PDHX: variants seen among roughly 807,000 people sequenced by gnomAD.
PDHX encodes pyruvate dehydrogenase protein X component, mitochondrial.
A neutral mutation model predicts 55.3 loss-of-function variants in PDHX; 33 were observed. The ratio of observed to expected loss-of-function variants is 0.60; its 90% CI spans 0.45 to 0.80. PDHX has a LOEUF of 0.80. Among genes scored for constraint, PDHX ranks in the 30% least tolerant of loss-of-function variants. PDHX has a pLI of 0.00. For missense variants in PDHX, 622 were observed against 619.9 expected (o/e 1.00, Z -0.04); for synonymous variants, 226 against 219.4 (o/e 1.03, Z -0.27).
At chr11:34,923,340 A>T (rs1196303309) in intron 1 of PDHX, among the ~76,000 whole-genome samples, 1 of 152,182 alleles carries the variant, frequency 6.6e-6, no homozygotes, top group Non-Finnish European at 1.5e-5. Context: ...TGTATAATTC[A>T]GGAGAGATTT....
In PDHX at chr11:34,995,997, A is replaced by G. The variant is rs531264127; in HGVS notation, c.*825A>G. On this transcript the variant is annotated 3_prime_UTR_variant, in exon 11 of 11. Transcript: ENST00000227868. ...ACATTTTGTTAGTGTTTATTTAAAA[A>G]CAAAATGTTGTTTCTTAATGCATTT... 1 of 152,348 alleles carries G rather than the reference A, an allele frequency of 6.6e-6. No individual in the cohort carries two copies. The highest frequency in any genetic ancestry group is 2.1e-4 in the South Asian group (1 of 4,830). The allele number at this position is 152,348 out of a possible 1,614,324, so 9.4% of individuals were successfully genotyped here.
chr11:34,968,884 A>G (rs1242648190), intron 6 of PDHX, among the ~76,000 whole-genome samples: 1 of 152,180 alleles, frequency 6.6e-6, no homozygotes, highest in Non-Finnish European at 1.5e-5. Flanking sequence ...TTTATTTTAT[A>G]TTTATAACAT....
At chr11:34,944,550 G>A (rs1422885756) in intron 2 of PDHX, among the ~76,000 whole-genome samples, 2 of 152,136 alleles carry the variant, frequency 1.3e-5, no homozygotes, top group Non-Finnish European at 2.9e-5. Context: ...TTATATTAGT[G>A]TCTCTGAACT....
chr11:34,955,567 G>GA (rs1854886033), intron 3 of PDHX, among the ~76,000 whole-genome samples: 2 of 151,864 alleles, frequency 1.3e-5, no homozygotes, highest in Non-Finnish European at 2.9e-5. Context: ...TTTTTAAATA[G>GA]AAAAAAATGT....
At chr11:34,930,443 C>T (rs1270676778) in intron 1 of PDHX, among the ~76,000 whole-genome samples, 1 of 152,190 alleles carries the variant, frequency 6.6e-6, no homozygotes, top group African/African-American at 2.4e-5. Flanking sequence ...CCTAAAACAT[C>T]AGGGGAGACA....
chr11:34,982,727 A>T (rs964032398), intron 8 of PDHX, among the ~76,000 whole-genome samples: 3 of 152,316 alleles, frequency 2.0e-5, no homozygotes, highest in South Asian at 4.1e-4. Context: ...AACCAGGAAG[A>T]ACTTGAATCT....
At chr11:34,933,134 CT>C (rs1162156406) in intron 2 of PDHX, among the ~76,000 whole-genome samples, 1 of 152,172 alleles carries the variant, frequency 6.6e-6, no homozygotes, top group Non-Finnish European at 1.5e-5. Flanking sequence ...CTGAATATAT[CT>C]TGTTTTGTCT....
At chr11:34,916,599 G>T, upstream of PDHX, 1 of 1,593,524 alleles carries the variant, frequency 6.3e-7, no homozygotes, top group Non-Finnish European at 8.5e-7. Context: ...CGGGAGGCGG[G>T]GCCTTGATGC....
chr11:34,981,371 G>A (rs1327571219), intron 8 of PDHX, among the ~76,000 whole-genome samples: 1 of 152,094 alleles, frequency 6.6e-6, no homozygotes, highest in Non-Finnish European at 1.5e-5. Flanking sequence ...TGGTGTATAT[G>A]TGCCACATTT....
At chr11:34,980,347 A>ATTTTTTTTTTTTTTT (rs1565168558) in intron 8 of PDHX, among the ~76,000 whole-genome samples, 5 of 30,784 alleles carry the variant, frequency 1.6e-4, no homozygotes, top group Non-Finnish European at 3.1e-4. Flanking sequence ...GGTTTAAGAT[A>ATTTTTTTTTTTTTTT]GTTTCTTTTT....
intron 3 of PDHX, among the ~76,000 whole-genome samples, chr11:34,956,741 A>C (rs765677590): frequency 6.6e-6 from 1 of 152,170 alleles, no homozygotes. Flanking sequence ...TGTTTCTGAT[A>C]TACTTATAAA....
intron 1 of PDHX, among the ~76,000 whole-genome samples, chr11:34,922,754 T>G (rs1853915997): frequency 6.6e-6 from 1 of 152,066 alleles, no homozygotes; most frequent in South Asian, 2.1e-4. Context: ...TATATTGACT[T>G]CTCCTATCTG....
In PDHX at chr11:34,931,431, C is replaced by T. The variant is rs1854163734; in HGVS notation, c.188C>T (p.Ser63Leu). Reference sequence around the variant, plus strand: ...GATCCCATTAAGATACTAATGCCATCACTGTCTCCTACAATGGAAGAAGGA... The same window carrying T: ...GATCCCATTAAGATACTAATGCCATTACTGTCTCCTACAATGGAAGAAGGA... ...RGDPIKILMP[S>L]LSPTMEEGNI... The change falls in exon 2 of 11, where the codon TCA becomes TTA. Residue 63 changes from serine (S) to leucine (L), a missense_variant. Physicochemically the swap from Ser to Leu is moderately radical, Grantham distance 145 (BLOSUM62 -2). Coordinates refer to ENST00000227868, the MANE Select transcript of PDHX (RefSeq NM_003477.3). The T allele has an allele frequency of 5.0e-6, 8 of 1,606,434 alleles. No individual in the cohort carries two copies. The highest frequency in any genetic ancestry group is 6.8e-6 in the Non-Finnish European group (8 of 1,173,940).
At chr11:34,971,666 T>C (rs1280100497) in intron 7 of PDHX, among the ~76,000 whole-genome samples, 1 of 152,174 alleles carries the variant, frequency 6.6e-6, no homozygotes, top group African/African-American at 2.4e-5. Context: ...ATATATTGTT[T>C]GATTCTGTAT....
intron 2 of PDHX, 100 bp from the exon 3 acceptor site, chr11:34,947,406 G>A (rs757266395): frequency 1.8e-5 from 14 of 794,094 alleles, no homozygotes; most frequent in South Asian, 4.7e-5. Flanking sequence ...AAATAGCTAC[G>A]GAATATTTTG....
rs1419940076 is a variant in PDHX, at chr11:34,950,489, A to G, written c.342+2883A>G. On this transcript the variant is annotated intron_variant, in intron 3 of 10. Transcript: ENST00000227868. ...TGCTGCACCCATTAACTCGTCATTT[A>G]GCATTAGGTATATCTCCTAATGCTA... Among the ~76,000 whole-genome samples, 4 of 150,446 alleles carry G rather than the reference A, an allele frequency of 2.7e-5. No homozygotes were observed. The East Asian group carries it at 5.9e-4, about 22-fold the overall frequency.
intron 3 of PDHX, among the ~76,000 whole-genome samples, chr11:34,950,302 T>C (rs963223120): frequency 5.3e-5 from 8 of 151,844 alleles, no homozygotes; most frequent in Non-Finnish European, 8.8e-5. Context: ...AGAGCAGTTC[T>C]ATTAAATGGA....
chr11:34,939,901 TC>T lies in PDHX; in HGVS notation c.242-7604del, dbSNP rs200995878. ...CTAGGTAACACCCACAATTTCAAAA[TC>T]TTTTGAAAGGTCAATTGAGCTATCA... On this transcript the variant is annotated intron_variant, in intron 2 of 10. Coordinates refer to ENST00000227868, the MANE Select transcript of PDHX (RefSeq NM_003477.3). Among the ~76,000 whole-genome samples, 1,205 of 152,264 alleles carry T rather than the reference TC, an allele frequency of 7.9e-3. 15 individuals are homozygous for T. Among genetic ancestry groups the T allele is most frequent in the African/African-American group, 0.028 (1,146 of 41,546 alleles).
Position 34,978,217 on chromosome 11 carries a change from A to G in PDHX, c.1023+35A>G, listed in dbSNP as rs375665947. On this transcript the variant is annotated intron_variant, in intron 8 of 10. Coordinates refer to ENST00000227868, the MANE Select transcript of PDHX (RefSeq NM_003477.3). Reference sequence around the variant, plus strand: ...AGACTTCAAATGATTTTGTCTTCTTAAGTAGTTTCATGTCGTGGAATTTTT... The same window carrying G: ...AGACTTCAAATGATTTTGTCTTCTTGAGTAGTTTCATGTCGTGGAATTTTT... The G allele has an allele frequency of 2.4e-6, 3 of 1,239,324 alleles. No homozygotes were observed. The African/African-American group carries it at 4.3e-5, about 18-fold the overall frequency. 76.8% of individuals were successfully genotyped at this position (1,239,324 alleles called of 1,614,324 possible). A position where few individuals can be genotyped will look rare whatever the true frequency, so the allele number is the denominator to read the frequency against.
Sources: gnomAD v4.1 joint callset for allele counts (sites outside exome capture counted in the v4.1 genomes callset) on GRCh38, gnomAD v4.1.1 for gene constraint, MANE v1.5 for transcripts, NCBI Gene and HGNC (gene_info 2026-07-23, HGNC 2026-07-21) for gene names.